The following FRAS1 variants were observed in gnomAD, a reference collection of about 807,000 sequenced individuals.
FRAS1 encodes the protein Fraser extracellular matrix complex subunit 1.
In FRAS1, 290 loss-of-function variants were observed where a neutral mutation model predicts 435.2. The ratio of observed to expected loss-of-function variants is 0.67; its 90% CI spans 0.61 to 0.73. The LOEUF (loss-of-function observed/expected upper bound fraction) is 0.73, where lower values mean the gene tolerates loss of function less well. FRAS1 is among the 30% of genes least tolerant of loss of function. The pLI is 0.00. For missense variants in FRAS1, 4,860 were observed against 5,001.5 expected (o/e 0.97, Z 0.85); for synonymous variants, 1,800 against 1,851.0 (o/e 0.97, Z 0.71).
chr4:78,119,342 C>T (rs1387838570), intron 2 of FRAS1, among the ~76,000 whole-genome samples: 1 of 152,162 alleles, frequency 6.6e-6, no homozygotes, highest in Admixed American at 6.5e-5. Flanking sequence ...CCTTCCTTCC[C>T]TTACCCTTCC....
chr4:78,099,640 A>G (rs72860619), intron 2 of FRAS1, among the ~76,000 whole-genome samples: 9,250 of 152,250 alleles, frequency 0.061, 762 homozygotes, highest in African/African-American at 0.19. Flanking sequence ...AACCCTGGCC[A>G]GAGAGTTTTT....
At chr4:78,338,101 ACTT>A (rs3086788) in intron 20 of FRAS1, 1 of 295,130 alleles carries the variant, frequency 3.4e-6, no homozygotes, top group South Asian at 4.9e-5. Flanking sequence ...TGCATTCAAA[ACTT>A]CTTAAGATAG....
rs12501713 is a variant in FRAS1, at chr4:78,261,445, T to G, written c.604-3580T>G. ...TCCCCAAATATAGCATCTTGGCATA[T>G]TGAATATTTTAAGCAGAAGGAATTT... On this transcript the variant is annotated intron_variant, in intron 6 of 73. Transcript: ENST00000512123. 4.9e-3 allele frequency among the ~76,000 whole-genome samples: 747 copies of G among 152,262 alleles called. 15 individuals carry two copies. Among genetic ancestry groups the G allele is most frequent in the Admixed American group, 0.041 (631 of 15,276 alleles).
At chr4:78,333,792 TAA>T (rs764775974) in intron 19 of FRAS1, among the ~76,000 whole-genome samples, 9 of 152,062 alleles carry the variant, frequency 5.9e-5, no homozygotes, top group Non-Finnish European at 1.0e-4. Context: ...TGCTATGGCT[TAA>T]AGAGAGAGAG....
chr4:78,424,379 C>A lies in FRAS1; in HGVS notation c.4679-9C>A. 1 of 1,455,678 alleles carries A rather than the reference C, an allele frequency of 6.9e-7. No homozygotes were observed. 90.2% of individuals were successfully genotyped at this position (1,455,678 alleles called of 1,614,324 possible). ...TTTAATATACTGATTGTCTCTCTTA[C>A]TCTTTTAGGTCTCCCAGAATCAGTG... On this transcript the variant is annotated splice_polypyrimidine_tract_variant and intron_variant, in intron 34 of 73. Coordinates refer to ENST00000512123, the MANE Select transcript of FRAS1 (RefSeq NM_025074.7).
chr4:78,307,689 A>T (rs1176097031), intron 14 of FRAS1, among the ~76,000 whole-genome samples: 1 of 152,192 alleles, frequency 6.6e-6, no homozygotes, highest in Non-Finnish European at 1.5e-5. Context: ...TTCCCAGGTG[A>T]GGCAATGCCT....
At chr4:78,372,954 C>T (rs1001008021) in intron 24 of FRAS1, 96 bp downstream of exon 24, 10 of 1,374,328 alleles carry the variant, frequency 7.3e-6, no homozygotes, top group Middle Eastern at 2.6e-4. Flanking sequence ...GTTTCCCCTT[C>T]TGGCTTTTTA....
Position 78,270,467 on chromosome 4 carries a change from C to A in FRAS1, c.981+3035C>A, listed in dbSNP as rs573278466. Among the ~76,000 whole-genome samples, 218 of 152,198 alleles carry A rather than the reference C, an allele frequency of 1.4e-3. 1 individual carries two copies. The highest frequency in any genetic ancestry group is 5.0e-3 in the African/African-American group (209 of 41,506). ...CAGCTCACATTTATGGAGTGCCTACCCTCTTCTGTGTATTTTGCTATAAGC... is the reference window on the plus strand; with the variant it reads ...CAGCTCACATTTATGGAGTGCCTACACTCTTCTGTGTATTTTGCTATAAGC... On this transcript the variant is annotated intron_variant, in intron 9 of 73. Transcript: ENST00000512123.
chr4:78,270,711 T>A (rs886527534), intron 9 of FRAS1, among the ~76,000 whole-genome samples: 1 of 152,142 alleles, frequency 6.6e-6, no homozygotes, highest in Admixed American at 6.5e-5. Flanking sequence ...TTCAAAACAT[T>A]GTTTTAAGTG....
At chr4:78,331,332 G>A (rs899406677) in intron 18 of FRAS1, among the ~76,000 whole-genome samples, 4 of 152,120 alleles carry the variant, frequency 2.6e-5, no homozygotes, top group Admixed American at 6.5e-5. Context: ...CTCAGTTCAG[G>A]AGCAGAGTCC....
chr4:78,465,904 TA>T (rs1477148502), intron 49 of FRAS1, among the ~76,000 whole-genome samples: 3 of 152,172 alleles, frequency 2.0e-5, no homozygotes, highest in Admixed American at 6.5e-5. Context: ...ATGAACAGTT[TA>T]AAAAGGTCTA....
intron 16 of FRAS1, among the ~76,000 whole-genome samples, chr4:78,316,906 C>T (rs1295221101): frequency 6.6e-6 from 1 of 152,150 alleles, no homozygotes; most frequent in African/African-American, 2.4e-5. Flanking sequence ...GCTTCCAACA[C>T]TCTGACCCAT....
chr4:78,128,911 C>A (rs1311620084), intron 2 of FRAS1, among the ~76,000 whole-genome samples: 3 of 152,058 alleles, frequency 2.0e-5, no homozygotes, highest in Non-Finnish European at 4.4e-5. Context: ...GTCTTTAATC[C>A]ATCTTGAATT....
chr4:78,209,746 C>T (rs1723424212), intron 2 of FRAS1, among the ~76,000 whole-genome samples: 1 of 152,154 alleles, frequency 6.6e-6, no homozygotes, highest in Non-Finnish European at 1.5e-5. Context: ...TTGAAAGGGT[C>T]ATAGCAGCAG....
chr4:78,080,041 C>T (rs1369512447), intron 2 of FRAS1, among the ~76,000 whole-genome samples: 1 of 152,098 alleles, frequency 6.6e-6, no homozygotes, highest in Non-Finnish European at 1.5e-5. Context: ...AACCAGGTTT[C>T]CTATCTCTTA....
intron 29 of FRAS1, among the ~76,000 whole-genome samples, chr4:78,400,345 G>A (rs1481803297): frequency 6.6e-6 from 1 of 152,128 alleles, no homozygotes; most frequent in African/African-American, 2.4e-5. Flanking sequence ...TTTTGCTTCA[G>A]ACATCTTGTA....
intron 21 of FRAS1, 101 bp from the exon 22 acceptor site, chr4:78,363,807 C>T (rs1476372654): frequency 1.7e-5 from 24 of 1,450,390 alleles, no homozygotes; most frequent in Non-Finnish European, 2.0e-5. Flanking sequence ...CCAGACTTGC[C>T]AATGTTCTCA....
At chr4:78,363,284 G>A (rs1262069309) in intron 20 of FRAS1, among the ~76,000 whole-genome samples, 11 of 152,152 alleles carry the variant, frequency 7.2e-5, no homozygotes, top group Admixed American at 7.2e-4. Flanking sequence ...GTTGGAAAGG[G>A]ATGAAAACTC....
chr4:78,129,820 C>A (rs1467972940), intron 2 of FRAS1, among the ~76,000 whole-genome samples: 1 of 152,098 alleles, frequency 6.6e-6, no homozygotes, highest in Non-Finnish European at 1.5e-5. Context: ...TTGCCAAGAC[C>A]CATTCTAATC....
Sources: allele counts gnomAD v4.1 joint callset (sites outside exome capture counted in the v4.1 genomes callset), GRCh38; gene constraint gnomAD v4.1.1; transcripts MANE v1.5; gene names NCBI Gene and HGNC (gene_info 2026-07-23, HGNC 2026-07-21).